MRPL44: variants seen among roughly 807,000 people sequenced by gnomAD.
MRPL44 encodes the protein mitochondrial ribosomal protein L44.
In MRPL44, 21 loss-of-function variants were observed where a neutral mutation model predicts 25.9. The observed-to-expected ratio is 0.81, with a 90% confidence interval of 0.58 to 1.17. The LOEUF is 1.17. Among genes scored for constraint, MRPL44 ranks in the 50% most tolerant of loss-of-function variants. MRPL44 has a pLI of 0.00. For synonymous variants in MRPL44, 169 were observed against 151.0 expected, an observed-to-expected ratio of 1.12 and a Z score of -0.87; for missense variants, 410 against 398.9, an observed-to-expected ratio of 1.03 and a Z score of -0.24.
chr2:223,957,795 G>A, intron 1 of MRPL44, 144 bp downstream of exon 1: 3 of 963,556 alleles, frequency 3.1e-6, no homozygotes, highest in Non-Finnish European at 4.5e-6. Context: ...CTGTGGGCGC[G>A]GGGCCTGAGG....
chr2:223,951,478 G>GTTTTTTTTTGTTTTTTTTTTTTTTTTTTT, the MRPL44 span, among the ~76,000 whole-genome samples: 2 of 112,560 alleles, frequency 1.8e-5, no homozygotes, highest in East Asian at 4.9e-4. Context: ...TTACCTTGGA[G>GTTTTTTTTTGTTTTTTTTTTTTTTTTTTT]TTTTTTTTTT....
At chr2:223,951,923 T>C in the MRPL44 span, among the ~76,000 whole-genome samples, 2 of 152,350 alleles carry the variant, frequency 1.3e-5, no homozygotes, top group East Asian at 3.9e-4. Flanking sequence ...TAAATGCCAA[T>C]ATTATTTATT....
chr2:223,951,423 A>G, the MRPL44 span, among the ~76,000 whole-genome samples: 31 of 151,204 alleles, frequency 2.1e-4, no homozygotes, highest in South Asian at 6.5e-3. Context: ...ATGGTGATGT[A>G]GGAAGCAGAG....
At position 223,967,642 on chromosome 2, in the gene MRPL44, G is replaced by A. The variant is rs1277930838; in HGVS notation, c.*608G>A. ...TATTTTATTTGCGTCTAGCTTTGAG[G>A]TATCATAATTTATGTATCTTATGTG... On this transcript the variant is annotated 3_prime_UTR_variant, in exon 4 of 4. Coordinates refer to ENST00000258383, the MANE Select transcript of MRPL44 (RefSeq NM_022915.5). The A allele has an allele frequency of 1.3e-5, 2 of 152,048 alleles. No homozygotes were observed. Among genetic ancestry groups the A allele is most frequent in the East Asian group, 1.9e-4 (1 of 5,196 alleles). 9.4% of individuals were successfully genotyped at this position (152,048 alleles called of 1,614,324 possible).
chr2:223,952,177 A>C, the MRPL44 span, among the ~76,000 whole-genome samples: 4 of 152,100 alleles, frequency 2.6e-5, no homozygotes, highest in Non-Finnish European at 5.9e-5. Context: ...GCTTCCTGAT[A>C]AGTTTGTATG....
At chr2:223,953,125 A>T (rs566811182), upstream of MRPL44, among the ~76,000 whole-genome samples, 1 of 151,666 alleles carries the variant, frequency 6.6e-6, no homozygotes, top group African/African-American at 2.4e-5. Context: ...TATCCAGATT[A>T]TCCAGATTCT....
intron 2 of MRPL44, among the ~76,000 whole-genome samples, chr2:223,961,736 A>G (rs1689663317): frequency 6.6e-6 from 1 of 152,160 alleles, no homozygotes; most frequent in Non-Finnish European, 1.5e-5. Flanking sequence ...TTCTGGGGAG[A>G]TGAGATTGGA....
At chr2:223,962,320 G>C (rs553478069) in intron 2 of MRPL44, among the ~76,000 whole-genome samples, 16 of 152,138 alleles carry the variant, frequency 1.1e-4, no homozygotes, top group African/African-American at 3.4e-4. Flanking sequence ...CAGCCACCAC[G>C]CCTGGCCTAA....
chr2:223,959,421 A>G (rs192806311), intron 1 of MRPL44, 113 bp from the exon 2 acceptor site: 437 of 834,134 alleles, frequency 5.2e-4, no homozygotes, highest in Non-Finnish European at 7.6e-4. Context: ...AAGAAATATA[A>G]CCTTCTTTCA....
Position 223,963,961 on chromosome 2 carries a change from A to G in MRPL44, c.827+27A>G, listed in dbSNP as rs768078717. 2.1e-5 allele frequency: 34 copies of G among 1,592,348 alleles called. No individual in the cohort carries two copies. In the South Asian group the frequency reaches 3.6e-4, roughly 17 times the overall value. On this transcript the variant is annotated intron_variant, in intron 3 of 3. Transcript: ENST00000258383. ...TTAGTGAAATTTTAATCTTAACTTT[A>G]TAACTTTGAGGAAATCCTAAAAACA...
upstream of MRPL44, among the ~76,000 whole-genome samples, chr2:223,953,030 A>C (rs1267708920): frequency 1.3e-5 from 2 of 152,246 alleles, no homozygotes; most frequent in African/African-American, 4.8e-5. Flanking sequence ...GCAATATTTC[A>C]GTAATTGAGT....
At chr2:223,958,664 G>T (rs948329985) in intron 1 of MRPL44, among the ~76,000 whole-genome samples, 1 of 152,074 alleles carries the variant, frequency 6.6e-6, no homozygotes, top group African/African-American at 2.4e-5. Flanking sequence ...ATTGTGTTAC[G>T]TATAAGTAAT....
At chr2:223,962,152 C>T (rs1329235153) in intron 2 of MRPL44, among the ~76,000 whole-genome samples, 1 of 152,062 alleles carries the variant, frequency 6.6e-6, no homozygotes, top group Non-Finnish European at 1.5e-5. Context: ...CCTATATTAG[C>T]CTCCCTAGTA....
chr2:223,966,692 AC>A (rs1481985389), intron 3 of MRPL44, among the ~76,000 whole-genome samples, 170 bp from the exon 4 acceptor site: 1 of 152,240 alleles, frequency 6.6e-6, no homozygotes, highest in East Asian at 1.9e-4. Context: ...TATGTAATGA[AC>A]TTGCAACAAA....
At chr2:223,956,639 G>A (rs545738127), upstream of MRPL44, among the ~76,000 whole-genome samples, 1 of 152,324 alleles carries the variant, frequency 6.6e-6, no homozygotes, top group South Asian at 2.1e-4. Flanking sequence ...GGTGACTGCT[G>A]GGGACACAGA....
chr2:223,966,305 T>C (rs1689740642), intron 3 of MRPL44, among the ~76,000 whole-genome samples: 1 of 152,022 alleles, frequency 6.6e-6, no homozygotes, highest in Non-Finnish European at 1.5e-5. Context: ...ATAGAGCTGG[T>C]TTCTGGTTTC....
chr2:223,957,660 C>T lies in MRPL44; in HGVS notation c.179+9C>T, dbSNP rs370122608. ...CCGCCGCCCGTGCGCCGGTAGGAGC[C>T]ACCTCGGGAAGAGGTCTCAGGGTGG... On this transcript the variant is annotated intron_variant, in intron 1 of 3. Transcript: ENST00000258383. 331 of 1,601,462 alleles carry T rather than the reference C, an allele frequency of 2.1e-4. 5 individuals carry two copies. The highest frequency in any genetic ancestry group is 2.0e-4 in the Non-Finnish European group (235 of 1,178,534).
At chr2:223,963,037 G>A (rs1689687703) in intron 2 of MRPL44, among the ~76,000 whole-genome samples, 1 of 152,114 alleles carries the variant, frequency 6.6e-6, no homozygotes. Flanking sequence ...AGGAAGTATT[G>A]TTATTTAGAG....
In MRPL44 at chr2:223,957,521, C is replaced by G. The variant is rs769834883; in HGVS notation, c.49C>G (p.Leu17Val). ...RLLQQGHRCL[L>V]APVAPKLVPP... The stretch of plus-strand genomic sequence containing the variant: ...GCTGCAGCAGGGACATCGCTGCCTC[C>G]TGGCTCCAGTCGCCCCCAAGCTGGT... The change falls in exon 1 of 4, where the codon CTG (leucine) becomes GTG (valine). Residue 17 changes from leucine to valine, a missense_variant. Leu to Val is a conservative substitution (Grantham distance 32, BLOSUM62 1). Coordinates refer to ENST00000258383, the MANE Select transcript of MRPL44 (RefSeq NM_022915.5). 6.2e-7 allele frequency: 1 copy of G among 1,614,128 alleles called. No homozygotes were observed. The highest frequency in any genetic ancestry group is 8.5e-7 in the Non-Finnish European group (1 of 1,180,016).
Sources: allele counts gnomAD v4.1 joint callset (sites outside exome capture counted in the v4.1 genomes callset), GRCh38; gene constraint gnomAD v4.1.1; transcripts MANE v1.5; gene names NCBI Gene and HGNC (gene_info 2026-07-23, HGNC 2026-07-21).